The following GNA15 variants were observed in gnomAD, a reference collection of about 807,000 sequenced individuals.
The protein encoded by GNA15 is G protein subunit alpha 15, also known as guanine nucleotide-binding protein subunit alpha-15.
Under a neutral mutation model 40.1 loss-of-function variants are expected in GNA15, and 23 were observed. That is an observed-to-expected ratio of 0.57 (90% confidence interval 0.41 to 0.81). The LOEUF (loss-of-function observed/expected upper bound fraction) is 0.81, where lower values mean the gene tolerates loss of function less well. GNA15 is among the 40% of genes least tolerant of loss of function. The pLI is 0.00. For synonymous variants in GNA15, 226 were observed against 210.4 expected (o/e 1.07, Z -0.64); for missense variants, 522 against 515.8 (o/e 1.01, Z -0.12).
In GNA15 at chr19:3,148,585, C is replaced by CCCCAGG; in HGVS notation, c.148_153dup. On this transcript the variant is annotated splice_polypyrimidine_tract_variant and splice_region_variant and intron_variant, in intron 1 of 6. Coordinates refer to ENST00000262958, the MANE Select transcript of GNA15 (RefSeq NM_002068.4). ...GGGCTGAGCGGTTCTGCTGCTCCAT[C>CCCCAGG]CCCAGGCCCAGGCGAGAGCGGGAAG... The CCCCAGG allele has an allele frequency of 6.4e-7, 1 of 1,565,516 alleles. No homozygotes were observed. Among genetic ancestry groups the CCCCAGG allele is most frequent in the East Asian group, 2.3e-5 (1 of 42,684 alleles).
chr19:3,138,686 A>C (rs1176956750), intron 1 of GNA15, among the ~76,000 whole-genome samples: 2 of 151,884 alleles, frequency 1.3e-5, no homozygotes, highest in Admixed American at 1.3e-4. Flanking sequence ...GCTGGGGTGC[A>C]GTGGTGCGAT....
At position 3,140,033 on chromosome 19, in the gene GNA15, C is replaced by CAAAAA. The variant is rs61178299; in HGVS notation, c.145+3446_145+3450dup. ...AGGCAATAAGAGTGAAACTCCATCTCAAAAAAAAAAAATCTATCTATCTAT... is the reference window on the plus strand; with the variant it reads ...AGGCAATAAGAGTGAAACTCCATCTCAAAAAAAAAAAAAAAAATCTATCTATCTAT... On this transcript the variant is annotated intron_variant, in intron 1 of 6. Coordinates refer to ENST00000262958, the MANE Select transcript of GNA15 (RefSeq NM_002068.4). 4.4e-3 allele frequency among the ~76,000 whole-genome samples: 418 copies of CAAAAA among 95,942 alleles called. 6 individuals carry two copies. Among genetic ancestry groups the CAAAAA allele is most frequent in the African/African-American group, 0.017 (404 of 23,692 alleles). 62.9% of individuals were successfully genotyped at this position (95,942 alleles called of 152,430 possible).
chr19:3,161,495 A>G (rs1043096132), intron 6 of GNA15, among the ~76,000 whole-genome samples: 1 of 152,112 alleles, frequency 6.6e-6, no homozygotes, highest in Admixed American at 6.6e-5. Flanking sequence ...CATGAGGCCA[A>G]TTTTAGCCAA....
At chr19:3,153,043 G>A (rs1191028786) in intron 4 of GNA15, among the ~76,000 whole-genome samples, 1 of 152,056 alleles carries the variant, frequency 6.6e-6, no homozygotes, top group African/African-American at 2.4e-5. Flanking sequence ...TGGAAGCTTT[G>A]TTCTTTCGCT....
At position 3,151,876 on chromosome 19, in the gene GNA15, G is replaced by C; in HGVS notation, c.614+41G>C. 6.7e-7 allele frequency: 1 copy of C among 1,492,676 alleles called. No homozygotes were observed. The highest frequency in any genetic ancestry group is 9.1e-7 in the Non-Finnish European group (1 of 1,094,608). 92.5% of individuals were successfully genotyped at this position (1,492,676 alleles called of 1,614,324 possible). A position where few individuals can be genotyped will look rare whatever the true frequency, so the allele number is the denominator to read the frequency against. On this transcript the variant is annotated intron_variant, in intron 4 of 6. Transcript: ENST00000262958. This position sits in a 1 kb window ranked among gnomAD's most constrained non-coding sequence, Gnocchi z 5.0. The stretch of plus-strand genomic sequence containing the variant: ...AGGCCCAGCCTAGGGGGCAGGGAAG[G>C]CTTCCTGTAGGAAGGGCAAAGGAGC...
intron 3 of GNA15, 139 bp downstream of exon 3, chr19:3,150,424 CA>C (rs1334634531): frequency 7.1e-6 from 5 of 703,598 alleles, no homozygotes; most frequent in South Asian, 3.9e-5. Flanking sequence ...GAGGTCCTTC[CA>C]GGGGGACCCT....
At chr19:3,157,952 A>G in intron 6 of GNA15, 71 bp downstream of exon 6, 2 of 1,229,204 alleles carry the variant, frequency 1.6e-6, no homozygotes, top group Non-Finnish European at 2.4e-6. Flanking sequence ...GCTAATCCAG[A>G]CTCTACTTCA....
chr19:3,149,155 A>C, intron 2 of GNA15: 1 of 217,902 alleles, frequency 4.6e-6, no homozygotes, highest in Non-Finnish European at 9.4e-6. Flanking sequence ...ACAAGGATCC[A>C]TGCAGATGCC....
intron 1 of GNA15, among the ~76,000 whole-genome samples, chr19:3,145,355 ATATAT>A (rs1234970765): frequency 3.0e-4 from 11 of 36,370 alleles, no homozygotes; most frequent in African/African-American, 9.5e-4. Flanking sequence ...ATATATATAT[ATATAT>A]TTTTTTTTTT....
rs751924684 is a variant in GNA15, at chr19:3,155,972, G to T, written c.744+20G>T. The T allele has an allele frequency of 9.3e-6, 15 of 1,611,102 alleles. No homozygotes were observed. In the African/African-American group the frequency reaches 2.0e-4, roughly 22 times the overall value. On this transcript the variant is annotated intron_variant, in intron 5 of 6. Transcript: ENST00000262958. The surrounding 1 kb of genome is among the most constrained non-coding windows in gnomAD (Gnocchi z 5.6). ...CAGGAGGTGCGCCACCGCCTCCCTC[G>T]CCCTGCCCACTTGTTGGCCCAGGGA...
At chr19:3,138,903 G>T (rs1914515994) in intron 1 of GNA15, among the ~76,000 whole-genome samples, 1 of 145,036 alleles carries the variant, frequency 6.9e-6, no homozygotes, top group South Asian at 2.2e-4. Context: ...CTCCCGAAGT[G>T]TTGGGATTAC....
At chr19:3,143,318 T>C (rs938121633) in intron 1 of GNA15, 1 of 152,188 alleles carries the variant, frequency 6.6e-6, no homozygotes, top group Admixed American at 6.6e-5. Flanking sequence ...ATGATTGTTA[T>C]AATCATTCAG....
At chr19:3,161,141 G>A (rs183509494) in intron 6 of GNA15, among the ~76,000 whole-genome samples, 3 of 151,990 alleles carry the variant, frequency 2.0e-5, no homozygotes, top group Admixed American at 6.6e-5. Context: ...ACAGGGTTTC[G>A]CCATGTTGCC....
rs1200174902 is a variant in GNA15, at chr19:3,157,864, A to G, written c.881A>G (p.Tyr294Cys). The part of the protein sequence containing the change: ...EKIPTSHLAT[Y>C]FPSFQGPKQD... ...ATCCCCACCTCCCACCTGGCTACCT[A>G]TTTCCCCAGTTTCCAGGGTAAGTAA... Residue 294 changes from tyrosine (Y) to cysteine (C), a missense_variant, in exon 6 of 7, where the codon TAT (tyrosine) becomes TGT (cysteine). Physicochemically the swap from Tyr to Cys is radical, Grantham distance 194 (BLOSUM62 -2). Coordinates refer to ENST00000262958, the MANE Select transcript of GNA15 (RefSeq NM_002068.4). 1.2e-6 allele frequency: 2 copies of G among 1,613,312 alleles called. No homozygotes were observed. Among genetic ancestry groups the G allele is most frequent in the Admixed American group, 3.3e-5 (2 of 60,018 alleles).
intron 1 of GNA15, among the ~76,000 whole-genome samples, chr19:3,145,336 A>AAT (rs1191752115): frequency 0.012 from 733 of 60,202 alleles, 62 homozygotes; most frequent in East Asian, 0.091. Context: ...CGTCTGACTA[A>AAT]ATATATATAT....
chr19:3,144,169 T>G (rs1420874008), intron 1 of GNA15, among the ~76,000 whole-genome samples: 1 of 147,774 alleles, frequency 6.8e-6, no homozygotes, highest in Admixed American at 6.7e-5. Context: ...GTGGTGAGGC[T>G]CAGGACAGAT....
In GNA15 at chr19:3,151,678, G is replaced by A; in HGVS notation, c.486-29G>A. The A allele has an allele frequency of 1.3e-6, 2 of 1,546,766 alleles. No homozygotes were observed. The highest frequency in any genetic ancestry group is 1.7e-6 in the Non-Finnish European group (2 of 1,145,586). ...GAAGCAAAGGGAGGCTGGCTGCAAG[G>A]CTGGGCCTCAGGACTCCTTGCTCTG... On this transcript the variant is annotated intron_variant, in intron 3 of 6. Transcript: ENST00000262958. The surrounding 1 kb of genome is among the most constrained non-coding windows in gnomAD (Gnocchi z 5.0).
At chr19:3,138,811 T>TTG (rs2144838235) in intron 1 of GNA15, among the ~76,000 whole-genome samples, 1 of 150,332 alleles carries the variant, frequency 6.7e-6, no homozygotes, top group African/African-American at 2.4e-5. Flanking sequence ...TTTTTTTTTT[T>TTG]GTATTTTTAG....
chr19:3,139,846 T>A (rs2144839430), intron 1 of GNA15, among the ~76,000 whole-genome samples: 1 of 151,326 alleles, frequency 6.6e-6, no homozygotes, highest in African/African-American at 2.4e-5. Context: ...CCATCCTGGC[T>A]AATGTGGTGA....
Sources: gnomAD v4.1 joint callset for allele counts (sites outside exome capture counted in the v4.1 genomes callset) on GRCh38, gnomAD v4.1.1 for gene constraint, Gnocchi (gnomAD v3.1) non-coding constraint, MANE v1.5 for transcripts, NCBI Gene and HGNC (gene_info 2026-07-23, HGNC 2026-07-21) for gene names.